Variants in SMPD3 observed in about 807,000 individuals in gnomAD.
SMPD3 encodes sphingomyelin phosphodiesterase 3.
A neutral mutation model predicts 55.7 loss-of-function variants in SMPD3; 21 were observed. The ratio of observed to expected loss-of-function variants is 0.38; its 90% CI spans 0.27 to 0.54. The LOEUF (loss-of-function observed/expected upper bound fraction) is 0.54. Among genes scored for constraint, SMPD3 ranks in the 20% least tolerant of loss-of-function variants. The pLI is 0.80. For synonymous variants in SMPD3, 457 were observed against 404.3 expected (o/e 1.13, Z -1.56); for missense variants, 842 against 899.6 (o/e 0.94, Z 0.82).
intron 1 of SMPD3, among the ~76,000 whole-genome samples, chr16:68,409,071 G>A (rs757107266): frequency 1.6e-4 from 25 of 152,110 alleles, no homozygotes; most frequent in Non-Finnish European, 2.8e-4. Context: ...GAGGACCCTC[G>A]CTGACAATGC....
rs918154686 is a variant in SMPD3 at position 68,360,592 on chromosome 16, A to T, written c.*614T>A. ...CTTTTTAAAATGTAATTGCCCTTGA[A>T]TGCGAGACCCTGGGAAGAGCCCTGG... On this transcript the variant is annotated 3_prime_UTR_variant, in exon 9 of 9. Transcript: ENST00000219334. 1 of 153,112 alleles carries T rather than the reference A, an allele frequency of 6.5e-6. No individual in the cohort carries two copies. The highest frequency in any genetic ancestry group is 1.5e-5 in the Non-Finnish European group (1 of 68,346). The allele number at this position is 153,112 out of a possible 1,614,324, so 9.5% of individuals were successfully genotyped here.
Position 68,371,180 on chromosome 16 carries a change from A to G in SMPD3, c.1002T>C (p.Ala334=), listed in dbSNP as rs1220900064. 6.2e-7 allele frequency: 1 copy of G among 1,612,356 alleles called. No individual in the cohort carries two copies. Among genetic ancestry groups the G allele is most frequent in the Non-Finnish European group, 8.5e-7 (1 of 1,179,754 alleles). Residue 334 remains alanine (A), a synonymous_variant, in exon 3 of 9, where the codon GCT becomes GCC. Coordinates refer to ENST00000219334, the MANE Select transcript of SMPD3 (RefSeq NM_018667.4). The part of the protein sequence containing the change: ...LYKASVVKKA[A]ARRRRHPDEA... Reference sequence around the variant, plus strand: ...CGTCGGGGTGCCGCCTCCTGCGTGCAGCCGCCTTCTTCACCACCGAGGCCT... The same window carrying G: ...CGTCGGGGTGCCGCCTCCTGCGTGCGGCCGCCTTCTTCACCACCGAGGCCT...
intron 1 of SMPD3, among the ~76,000 whole-genome samples, chr16:68,444,309 C>G (rs935153632): frequency 6.6e-6 from 1 of 152,152 alleles, no homozygotes; most frequent in African/African-American, 2.4e-5. Context: ...GCAGGAGGGT[C>G]TTGGGAAATT....
intron 1 of SMPD3, among the ~76,000 whole-genome samples, chr16:68,422,964 T>C (rs1028081373): frequency 6.6e-6 from 1 of 152,222 alleles, no homozygotes; most frequent in African/African-American, 2.4e-5. Context: ...TAGAGGATTT[T>C]AGTTGTAATG....
At chr16:68,372,544 T>G (rs1056749521) in intron 2 of SMPD3, among the ~76,000 whole-genome samples, 157 bp from the exon 3 acceptor site, 1 of 152,230 alleles carries the variant, frequency 6.6e-6, no homozygotes. Flanking sequence ...AGCAGGTGGC[T>G]GGGAGACAGC....
At chr16:68,380,747 G>C (rs575531600) in intron 2 of SMPD3, among the ~76,000 whole-genome samples, 1 of 152,390 alleles carries the variant, frequency 6.6e-6, no homozygotes, top group Non-Finnish European at 1.5e-5. Context: ...ACAAGGCTTG[G>C]AATATGCTTT....
At position 68,404,079 on chromosome 16, in the gene SMPD3, C is replaced by T. The variant is rs953301556; in HGVS notation, c.-268-17420G>A. Among the ~76,000 whole-genome samples the T allele has an allele frequency of 6.6e-6, 1 of 151,938 alleles. No homozygotes were observed. Among genetic ancestry groups the T allele is most frequent in the African/African-American group, 2.4e-5 (1 of 41,340 alleles). On this transcript the variant is annotated intron_variant, in intron 1 of 8. Coordinates refer to ENST00000219334, the MANE Select transcript of SMPD3 (RefSeq NM_018667.4). The surrounding 1 kb of genome is among the most constrained non-coding windows in gnomAD (Gnocchi z 4.0). ...AGGGTCTCATTCTGTGCAGTGGTGC[C>T]ATCATGGCTCACTGCAGCCTCTGCC...
intron 1 of SMPD3, among the ~76,000 whole-genome samples, chr16:68,410,988 G>A (rs953098326): frequency 3.9e-5 from 6 of 152,228 alleles, no homozygotes; most frequent in Non-Finnish European, 7.3e-5. Flanking sequence ...GGAATGGGCG[G>A]GCATCATCAG....
At chr16:68,402,666 G>T (rs2090220619) in intron 1 of SMPD3, among the ~76,000 whole-genome samples, 1 of 151,488 alleles carries the variant, frequency 6.6e-6, no homozygotes, top group South Asian at 2.1e-4. Context: ...GCCCACACCA[G>T]ACAATTCTCT....
chr16:68,425,297 C>T (rs1447927567), intron 1 of SMPD3, among the ~76,000 whole-genome samples: 2 of 152,250 alleles, frequency 1.3e-5, no homozygotes, highest in African/African-American at 4.8e-5. Flanking sequence ...AAGGCTGGAA[C>T]TGGTGAGGGA....
chr16:68,361,468 G>T (rs117968336), intron 8 of SMPD3, 135 bp downstream of exon 8: 10 of 1,405,242 alleles, frequency 7.1e-6, no homozygotes, highest in South Asian at 2.6e-5. Flanking sequence ...GGCCCTAAGG[G>T]TCTGAGGGAG....
At chr16:68,390,861 G>C (rs981419895) in intron 1 of SMPD3, among the ~76,000 whole-genome samples, 1 of 152,134 alleles carries the variant, frequency 6.6e-6, no homozygotes, top group Non-Finnish European at 1.5e-5. Context: ...GACCCTGGGG[G>C]AGAGGTGCAG....
At chr16:68,424,016 C>T (rs953394851) in intron 1 of SMPD3, among the ~76,000 whole-genome samples, 3 of 151,776 alleles carry the variant, frequency 2.0e-5, no homozygotes, top group South Asian at 4.1e-4. Flanking sequence ...GGCCTGGGGA[C>T]GTCACCTGCC....
intron 1 of SMPD3, among the ~76,000 whole-genome samples, chr16:68,435,300 A>G (rs948345262): frequency 1.3e-4 from 20 of 152,190 alleles, no homozygotes; most frequent in African/African-American, 4.8e-4. Context: ...CTTCCTGGGC[A>G]TACAAACTGT....
intron 1 of SMPD3, among the ~76,000 whole-genome samples, chr16:68,389,540 G>A (rs944550090): frequency 6.6e-6 from 1 of 152,182 alleles, no homozygotes; most frequent in Admixed American, 6.5e-5. Flanking sequence ...TGACTTCACA[G>A]GTCCAGAAAT....
chr16:68,370,100 G>A (rs562895229), intron 3 of SMPD3: 2 of 152,384 alleles, frequency 1.3e-5, no homozygotes, highest in East Asian at 1.9e-4. Context: ...AGCGGCTTTT[G>A]GATAGAGAAC....
At chr16:68,387,903 G>A (rs1020110042) in intron 1 of SMPD3, among the ~76,000 whole-genome samples, 1 of 152,234 alleles carries the variant, frequency 6.6e-6, no homozygotes, top group Admixed American at 6.5e-5. Context: ...GCTGGCAGGA[G>A]CGCCTCCTCT....
intron 1 of SMPD3, among the ~76,000 whole-genome samples, chr16:68,422,547 GCT>G (rs2090403987): frequency 6.6e-6 from 1 of 152,214 alleles, no homozygotes; most frequent in East Asian, 1.9e-4. Context: ...TACAGGCCCA[GCT>G]GCTTGGAGGC....
chr16:68,366,039 C>A (rs2089469052), intron 3 of SMPD3, among the ~76,000 whole-genome samples: 1 of 152,166 alleles, frequency 6.6e-6, no homozygotes, highest in Non-Finnish European at 1.5e-5. Flanking sequence ...GCCTCTGTAC[C>A]CTCCCCAAGC....
Sources: allele counts gnomAD v4.1 joint callset (sites outside exome capture counted in the v4.1 genomes callset), GRCh38; gene constraint gnomAD v4.1.1; non-coding constraint Gnocchi (gnomAD v3.1); transcripts MANE v1.5; gene names NCBI Gene and HGNC (gene_info 2026-07-23, HGNC 2026-07-21).